The following ZFPM2 variants were observed in gnomAD, a reference collection of about 807,000 sequenced individuals.
The protein encoded by ZFPM2 is zinc finger protein, FOG family member 2, also known as zinc finger protein ZFPM2.
A neutral mutation model predicts 98.6 loss-of-function variants in ZFPM2; 20 were observed. The observed-to-expected ratio is 0.20, with a 90% CI of 0.14 to 0.29. The LOEUF (loss-of-function observed/expected upper bound fraction) is 0.29, where lower values mean the gene tolerates loss of function less well. ZFPM2 is among the 10% of genes least tolerant of loss of function. The pLI is 1.00. For synonymous variants in ZFPM2, 518 were observed against 502.7 expected (o/e 1.03, Z -0.41); for missense variants, 1,310 against 1,388.6 (o/e 0.94, Z 0.90).
intron 5 of ZFPM2, chr8:105,685,838 C>T (rs1176500464): frequency 6.6e-6 from 1 of 152,010 alleles, no homozygotes; most frequent in Non-Finnish European, 1.5e-5. Flanking sequence ...GACATGAAGA[C>T]TCAATACTAT....
chr8:105,643,690 G>A (rs1181240431), intron 5 of ZFPM2, among the ~76,000 whole-genome samples: 1 of 152,108 alleles, frequency 6.6e-6, no homozygotes, highest in Non-Finnish European at 1.5e-5. Flanking sequence ...CTCAGTATAC[G>A]TGGTCTGACA....
chr8:105,742,532 G>T (rs950606713), intron 5 of ZFPM2, among the ~76,000 whole-genome samples: 1 of 151,208 alleles, frequency 6.6e-6, no homozygotes, highest in African/African-American at 2.4e-5. Flanking sequence ...TAGAGAGTGA[G>T]TGGTTGTAGA....
chr8:105,790,970 T>C (rs550644415), intron 6 of ZFPM2, among the ~76,000 whole-genome samples: 1,692 of 152,354 alleles, frequency 0.011, 27 homozygotes, highest in African/African-American at 0.038. Context: ...AAGTTGCTTA[T>C]CAGCTTAAGG....
chr8:105,373,134 G>T (rs1003387507), intron 1 of ZFPM2, among the ~76,000 whole-genome samples: 1 of 152,118 alleles, frequency 6.6e-6, no homozygotes, highest in Non-Finnish European at 1.5e-5. Context: ...AAATTGCCTT[G>T]GTCTTCTATT....
intron 3 of ZFPM2, among the ~76,000 whole-genome samples, chr8:105,511,309 C>T (rs1813813111): frequency 6.6e-6 from 1 of 152,242 alleles, no homozygotes; most frequent in Admixed American, 6.5e-5. Context: ...ATCAGCCTGT[C>T]CACACTGAGA....
chr8:105,796,530 G>A (rs1471453222), intron 6 of ZFPM2, among the ~76,000 whole-genome samples: 1 of 152,162 alleles, frequency 6.6e-6, no homozygotes, highest in African/African-American at 2.4e-5. Context: ...AAAATTAAAT[G>A]TTAATTTGAA....
intron 5 of ZFPM2, among the ~76,000 whole-genome samples, chr8:105,705,663 A>G (rs752343696): frequency 1.4e-4 from 21 of 152,106 alleles, no homozygotes; most frequent in African/African-American, 7.2e-5. Flanking sequence ...TGCATCAAAG[A>G]CTTTGCTAGG....
At chr8:105,619,353 G>A (rs547942886) in intron 4 of ZFPM2, among the ~76,000 whole-genome samples, 5 of 151,828 alleles carry the variant, frequency 3.3e-5, no homozygotes, top group Non-Finnish European at 5.9e-5. Flanking sequence ...GACAATCTAC[G>A]TATATGTCAT....
At chr8:105,565,455 T>G (rs978371504) in intron 4 of ZFPM2, among the ~76,000 whole-genome samples, 1 of 152,174 alleles carries the variant, frequency 6.6e-6, no homozygotes, top group Non-Finnish European at 1.5e-5. Context: ...ACATGTTTTA[T>G]ATCATATTTA....
intron 1 of ZFPM2, among the ~76,000 whole-genome samples, chr8:105,344,751 G>A (rs995872391): frequency 3.9e-5 from 6 of 151,928 alleles, no homozygotes; most frequent in African/African-American, 1.5e-4. Flanking sequence ...ATACCTCAAA[G>A]AGAAAGATGA....
chr8:105,363,363 T>C (rs1810444030), intron 1 of ZFPM2, among the ~76,000 whole-genome samples: 1 of 152,148 alleles, frequency 6.6e-6, no homozygotes, highest in Non-Finnish European at 1.5e-5. Flanking sequence ...GACTCTAAGG[T>C]GAAAGCATTG....
intron 1 of ZFPM2, among the ~76,000 whole-genome samples, chr8:105,383,274 G>C (rs1285255607): frequency 1.3e-5 from 2 of 152,114 alleles, no homozygotes; most frequent in African/African-American, 2.4e-5. Flanking sequence ...TGGGGATAGA[G>C]TAAGCACCTA....
intron 5 of ZFPM2, among the ~76,000 whole-genome samples, chr8:105,643,854 A>G (rs1264997716): frequency 2.6e-5 from 4 of 152,184 alleles, no homozygotes; most frequent in Admixed American, 1.3e-4. Context: ...AAGGATCACA[A>G]TTGGACTGAT....
chr8:105,397,384 A>G (rs892300993), intron 1 of ZFPM2, among the ~76,000 whole-genome samples: 5 of 152,208 alleles, frequency 3.3e-5, no homozygotes, highest in Non-Finnish European at 7.4e-5. Flanking sequence ...TAAGGATTAA[A>G]AAAAATAAAT....
At chr8:105,685,944 G>A (rs375515427) in intron 5 of ZFPM2, among the ~76,000 whole-genome samples, 3 of 151,914 alleles carry the variant, frequency 2.0e-5, no homozygotes, top group South Asian at 2.1e-4. Context: ...TAATCCTTCC[G>A]GGAAGCTTTG....
intron 1 of ZFPM2, among the ~76,000 whole-genome samples, chr8:105,341,491 T>C (rs1364416909): frequency 2.0e-5 from 3 of 151,912 alleles, no homozygotes; most frequent in Admixed American, 6.6e-5. Flanking sequence ...CAATGCAATA[T>C]ATATTATGCA....
At chr8:105,490,809 A>G in intron 3 of ZFPM2, among the ~76,000 whole-genome samples, 1 of 152,186 alleles carries the variant, frequency 6.6e-6, no homozygotes, top group Non-Finnish European at 1.5e-5. Context: ...CTAATATAAA[A>G]TGATGTGTAC....
intron 5 of ZFPM2, among the ~76,000 whole-genome samples, chr8:105,687,004 T>C (rs1487693259): frequency 6.6e-6 from 1 of 152,162 alleles, no homozygotes. Context: ...CCCAGTGTCC[T>C]GTGTAGTTAA....
At chr8:105,480,587 T>A (rs1185135618) in intron 3 of ZFPM2, among the ~76,000 whole-genome samples, 2 of 152,152 alleles carry the variant, frequency 1.3e-5, no homozygotes, top group African/African-American at 4.8e-5. Context: ...ATTGAACTTA[T>A]ACAAGGGTGG....
Sources: allele counts gnomAD v4.1 joint callset (sites outside exome capture counted in the v4.1 genomes callset), GRCh38; gene constraint gnomAD v4.1.1; transcripts MANE v1.5; gene names NCBI Gene and HGNC (gene_info 2026-07-23, HGNC 2026-07-21).